The following SLC17A6 variants were observed in gnomAD, a reference collection of about 807,000 sequenced individuals.
SLC17A6 encodes solute carrier family 17 member 6.
SLC17A6 carries 35 observed loss-of-function variants against 67.1 expected under a neutral mutation model. That is an observed-to-expected ratio of 0.52 (90% confidence interval 0.40 to 0.69). The LOEUF (loss-of-function observed/expected upper bound fraction) is 0.69, where lower values mean the gene tolerates loss of function less well. SLC17A6 is among the 30% of genes least tolerant of loss of function. SLC17A6 has a pLI of 0.00. For synonymous variants in SLC17A6, 285 were observed against 252.3 expected, an observed-to-expected ratio of 1.13 and a Z score of -1.23; for missense variants, 588 against 723.9, an observed-to-expected ratio of 0.81 and a Z score of 2.15.
At chr11:22,350,746 G>A (rs895083625) in intron 3 of SLC17A6, among the ~76,000 whole-genome samples, 4 of 152,054 alleles carry the variant, frequency 2.6e-5, no homozygotes, top group African/African-American at 9.7e-5. Flanking sequence ...CACCTTAGGT[G>A]CCAATTATAA....
chr11:22,360,644 C>G (rs1564983281), intron 4 of SLC17A6, among the ~76,000 whole-genome samples: 1 of 151,330 alleles, frequency 6.6e-6, no homozygotes, highest in African/African-American at 2.4e-5. Flanking sequence ...CTAAACTTCA[C>G]TTTTCTCTGT....
At position 22,362,745 on chromosome 11, in the gene SLC17A6, A is replaced by AT; in HGVS notation, c.669dup (p.Ala224CysfsTer43). On this transcript the variant is annotated frameshift_variant, in exon 6 of 12. Coordinates refer to ENST00000263160, the MANE Select transcript of SLC17A6 (RefSeq NM_020346.3). LOFTEE classifies it high-confidence loss of function. ...ATTCTTCCTTACACTTTAGGTTCCT[A>AT]TGCCGGAGCTGTGATTGCAATGCCT... 6.2e-7 allele frequency: 1 copy of AT among 1,613,622 alleles called. No homozygotes were observed. The highest frequency in any genetic ancestry group is 8.5e-7 in the Non-Finnish European group (1 of 1,179,570).
chr11:22,343,599 G>C (rs1855844060), intron 3 of SLC17A6, among the ~76,000 whole-genome samples: 1 of 152,134 alleles, frequency 6.6e-6, no homozygotes, highest in Non-Finnish European at 1.5e-5. Context: ...CCTTCCCTCT[G>C]CTGTGGCTGA....
intron 7 of SLC17A6, among the ~76,000 whole-genome samples, chr11:22,368,032 G>A (rs1039788883): frequency 2.2e-4 from 34 of 152,060 alleles, no homozygotes; most frequent in African/African-American, 3.4e-4. Flanking sequence ...AACAATTATC[G>A]TCTTGTCATA....
chr11:22,365,406 A>C, intron 6 of SLC17A6, 141 bp from the exon 7 acceptor site: 1 of 957,104 alleles, frequency 1.0e-6, no homozygotes, highest in Non-Finnish European at 1.6e-6. Context: ...AGAAGAAAAG[A>C]TGGCTAACGT....
In SLC17A6 at chr11:22,377,465, A is replaced by G; in HGVS notation, c.1474A>G (p.Ile492Val). Residue 492 changes from isoleucine (I) to valine (V), a missense_variant, in exon 12 of 12, where the codon ATA becomes GTA. Coordinates refer to ENST00000263160, the MANE Select transcript of SLC17A6 (RefSeq NM_020346.3). The part of the protein sequence containing the change: ...IAALVHYGGV[I>V]FYAIFASGEK... ...TGCCCTAGTCCACTATGGTGGAGTT[A>G]TATTTTATGCAATATTTGCCTCAGG... 1 of 1,614,166 alleles carries G rather than the reference A, an allele frequency of 6.2e-7. No individual in the cohort carries two copies. Among genetic ancestry groups the G allele is most frequent in the South Asian group, 1.1e-5 (1 of 91,082 alleles).
Position 22,341,599 on chromosome 11 carries a change from C to T in SLC17A6, c.158C>T (p.Pro53Leu). The change falls in exon 2 of 12, where the codon CCC (proline) becomes CTC (leucine). Residue 53 changes from proline to leucine, a missense_variant. Physicochemically the swap from Pro to Leu is moderately conservative, Grantham distance 98 (BLOSUM62 -3). Coordinates refer to ENST00000263160, the MANE Select transcript of SLC17A6 (RefSeq NM_020346.3). The stretch of plus-strand genomic sequence containing the variant: ...GAGGATGGGAAGCCCCTAGAGGTGC[C>T]CGAGAGGAAGGCGCCGCTGTGCGAC... ...LTEDGKPLEVPERKAPLCDCT... is the reference protein window; with the variant it reads ...LTEDGKPLEVLERKAPLCDCT... 1 of 1,614,070 alleles carries T rather than the reference C, an allele frequency of 6.2e-7. No individual in the cohort carries two copies. Among genetic ancestry groups the T allele is most frequent in the South Asian group, 1.1e-5 (1 of 91,082 alleles).
rs149858476 is a variant in SLC17A6, at chr11:22,379,156, A to G, written c.*1416A>G. 265 of 152,672 alleles carry G rather than the reference A, an allele frequency of 1.7e-3. 5 individuals are homozygous for G. In the East Asian group the frequency reaches 0.024, roughly 14 times the overall value. The allele number at this position is 152,672 out of a possible 1,614,324, so 9.5% of individuals were successfully genotyped here. On this transcript the variant is annotated 3_prime_UTR_variant, in exon 12 of 12. Coordinates refer to ENST00000263160, the MANE Select transcript of SLC17A6 (RefSeq NM_020346.3). ...GGAATAATTTTATTTTTCTTTTAAAAAAGCTAACATCAGACCCCTTTATAA... is the reference window on the plus strand; with the variant it reads ...GGAATAATTTTATTTTTCTTTTAAAGAAGCTAACATCAGACCCCTTTATAA...
intron 11 of SLC17A6, 68 bp downstream of exon 11, chr11:22,376,740 A>G: frequency 6.4e-7 from 1 of 1,552,034 alleles, no homozygotes; most frequent in Non-Finnish European, 8.9e-7. Flanking sequence ...TTTTTGGAAA[A>G]GAGTTAAAAT....
At chr11:22,354,380 G>T (rs1413323945) in intron 3 of SLC17A6, among the ~76,000 whole-genome samples, 1 of 152,058 alleles carries the variant, frequency 6.6e-6, no homozygotes, top group Non-Finnish European at 1.5e-5. Flanking sequence ...CACCGCGCCC[G>T]GCAATTTTAT....
intron 9 of SLC17A6, among the ~76,000 whole-genome samples, 154 bp from the exon 10 acceptor site, chr11:22,375,828 A>AATTATTATG (rs1424549861): frequency 6.6e-6 from 1 of 152,104 alleles, no homozygotes; most frequent in Admixed American, 6.6e-5. Context: ...CTCTAGGGTA[A>AATTATTATG]ATTATTATGA....
chr11:22,372,718 G>A (rs754195735), intron 8 of SLC17A6, among the ~76,000 whole-genome samples: 2 of 152,094 alleles, frequency 1.3e-5, no homozygotes, highest in African/African-American at 2.4e-5. Context: ...GAGTTTCTAT[G>A]AAGAATAAAT....
chr11:22,374,982 G>A, intron 9 of SLC17A6, 95 bp downstream of exon 9: 2 of 1,220,442 alleles, frequency 1.6e-6, no homozygotes, highest in Non-Finnish European at 2.2e-6. Flanking sequence ...AAATTACTTA[G>A]ATGCAGTTAC....
intron 11 of SLC17A6, 55 bp downstream of exon 11, chr11:22,376,727 A>G: frequency 1.9e-6 from 3 of 1,589,248 alleles, no homozygotes; most frequent in South Asian, 2.2e-5. Flanking sequence ...CAAAATGATA[A>G]TCTTTTTGGA....
intron 7 of SLC17A6, among the ~76,000 whole-genome samples, chr11:22,368,740 T>C (rs879012347): frequency 6.6e-6 from 1 of 152,050 alleles, no homozygotes; most frequent in Admixed American, 6.6e-5. Context: ...ATCTTTGAAA[T>C]AAGTGTACGC....
At chr11:22,376,402 T>A in intron 10 of SLC17A6, 143 bp from the exon 11 acceptor site, 1 of 855,702 alleles carries the variant, frequency 1.2e-6, no homozygotes, top group Non-Finnish European at 1.8e-6. Flanking sequence ...TCTCATTATA[T>A]CCCCGAGAGA....
chr11:22,370,439 A>G (rs1856162492), intron 8 of SLC17A6, among the ~76,000 whole-genome samples: 1 of 152,170 alleles, frequency 6.6e-6, no homozygotes, highest in Admixed American at 6.5e-5. Flanking sequence ...CATGGAACTT[A>G]GAGCCCAGTT....
chr11:22,343,161 GC>G, intron 2 of SLC17A6, 85 bp from the exon 3 acceptor site: 2 of 1,090,454 alleles, frequency 1.8e-6, no homozygotes. Flanking sequence ...AGCCTTGGGG[GC>G]TTTTTGGCTT....
At position 22,378,331 on chromosome 11, in the gene SLC17A6, T is replaced by C. The variant is rs1856254933; in HGVS notation, c.*591T>C. The C allele has an allele frequency of 6.5e-6, 1 of 152,706 alleles. No individual in the cohort carries two copies. The highest frequency in any genetic ancestry group is 6.5e-5 in the Admixed American group (1 of 15,270). The allele number at this position is 152,706 out of a possible 1,614,324, so 9.5% of individuals were successfully genotyped here. ...AAGGAATATCTTGCAGTGTTTTCTA[T>C]GAAATGCTTGGGCACAAACACTTAT... On this transcript the variant is annotated 3_prime_UTR_variant, in exon 12 of 12. Transcript: ENST00000263160.
Sources: allele counts gnomAD v4.1 joint callset (sites outside exome capture counted in the v4.1 genomes callset), GRCh38; gene constraint gnomAD v4.1.1; transcripts MANE v1.5; gene names NCBI Gene and HGNC (gene_info 2026-07-23, HGNC 2026-07-21).